Variants in CTNNA3 observed in about 807,000 individuals in gnomAD.
CTNNA3 encodes catenin alpha 3.
Under a neutral mutation model 95.7 loss-of-function variants are expected in CTNNA3, and 76 were observed. The observed-to-expected ratio is 0.79, with a 90% CI of 0.66 to 0.96. The LOEUF (loss-of-function observed/expected upper bound fraction) is 0.96. CTNNA3 is among the 40% of genes least tolerant of loss of function. The probability of loss-of-function intolerance (pLI) is 0.00; values close to 1 mark genes in which losing one functional copy is unlikely to be tolerated. For missense variants in CTNNA3, 1,191 were observed against 1,089.8 expected (o/e 1.09, Z -1.31); for synonymous variants, 431 against 374.4 (o/e 1.15, Z -1.74).
intron 7 of CTNNA3, among the ~76,000 whole-genome samples, chr10:66,776,898 A>G (rs910852917): frequency 6.6e-6 from 1 of 152,048 alleles, no homozygotes; most frequent in African/African-American, 2.4e-5. Flanking sequence ...TCTATTCCTG[A>G]TAGTAACTTA....
intron 7 of CTNNA3, among the ~76,000 whole-genome samples, chr10:66,831,406 C>T (rs78678063): frequency 0.018 from 2,754 of 152,208 alleles, 67 homozygotes; most frequent in African/African-American, 0.063. Flanking sequence ...CTTTACCATA[C>T]GCTTGCTCTC....
intron 9 of CTNNA3, among the ~76,000 whole-genome samples, chr10:66,723,466 CA>C (rs1200742413): frequency 1.3e-5 from 2 of 152,066 alleles, no homozygotes; most frequent in Non-Finnish European, 2.9e-5. Context: ...CTTATAGCCA[CA>C]AAACACAATT....
At chr10:67,232,034 A>G (rs1368489856) in intron 5 of CTNNA3, among the ~76,000 whole-genome samples, 1 of 152,162 alleles carries the variant, frequency 6.6e-6, no homozygotes, top group African/African-American at 2.4e-5. Context: ...TCTACGTCTG[A>G]TTGGTGTACC....
At chr10:66,177,258 C>A (rs1475747594) in intron 13 of CTNNA3, among the ~76,000 whole-genome samples, 1 of 151,812 alleles carries the variant, frequency 6.6e-6, no homozygotes, top group Non-Finnish European at 1.5e-5. Flanking sequence ...AAAAAGAAAT[C>A]AATATAAAAT....
rs1212731313 is a variant in CTNNA3 at position 67,424,042 on chromosome 10, T to A, written c.579+97800A>T. Among the ~76,000 whole-genome samples, 3 of 152,210 alleles carry A rather than the reference T, an allele frequency of 2.0e-5. No homozygotes were observed. The East Asian group carries it at 5.8e-4, about 29-fold the overall frequency. On this transcript the variant is annotated intron_variant, in intron 5 of 17. Coordinates refer to ENST00000433211, the MANE Select transcript of CTNNA3 (RefSeq NM_013266.4). ...AAAGAATCAATAAATACTCAAAAAA[T>A]TACCAGGACCTACAAAATGTGGGTC...
At chr10:66,594,886 T>G (rs1248792230) in intron 10 of CTNNA3, among the ~76,000 whole-genome samples, 1 of 152,130 alleles carries the variant, frequency 6.6e-6, no homozygotes, top group Non-Finnish European at 1.5e-5. Context: ...CATAATAATA[T>G]CTGCCATATA....
In CTNNA3 at chr10:67,742,903, A is replaced by T. The variant is rs1229018820; in HGVS notation, c.-2+20531T>A. Among the ~76,000 whole-genome samples, 2 of 151,426 alleles carry T rather than the reference A, an allele frequency of 1.3e-5. 1 individual carries two copies. The highest frequency in any genetic ancestry group is 3.0e-5 in the Non-Finnish European group (2 of 67,758). On this transcript the variant is annotated intron_variant, in intron 1 of 17. Transcript: ENST00000684154. ...ACACAAATAAACTAGAAAATCTAGA[A>T]GAAATGGATAAATTCCTCTACGCAT... is the stretch of plus-strand genomic sequence containing the variant.
intron 12 of CTNNA3, among the ~76,000 whole-genome samples, chr10:66,365,740 G>C (rs2092706642): frequency 6.8e-6 from 1 of 147,166 alleles, no homozygotes; most frequent in Admixed American, 7.0e-5. Context: ...ATACAAAGAT[G>C]CTGGCTTGCA....
At chr10:66,140,663 T>C (rs2133876869) in intron 13 of CTNNA3, among the ~76,000 whole-genome samples, 1 of 152,336 alleles carries the variant, frequency 6.6e-6, no homozygotes, top group Non-Finnish European at 1.5e-5. Flanking sequence ...GAACATTCTG[T>C]CCTATTCTGC....
At chr10:67,542,014 C>A (rs1840699087) in intron 3 of CTNNA3, among the ~76,000 whole-genome samples, 1 of 151,972 alleles carries the variant, frequency 6.6e-6, no homozygotes. Context: ...GCTGGAGAGC[C>A]ATATTCAGAA....
At chr10:67,157,452 C>T (rs536661594) in intron 7 of CTNNA3, among the ~76,000 whole-genome samples, 68 of 152,190 alleles carry the variant, frequency 4.5e-4, no homozygotes, top group African/African-American at 1.6e-3. Flanking sequence ...GCTACAACCC[C>T]TTGAAATTAA....
chr10:66,671,600 A>C (rs1846664117), intron 9 of CTNNA3, among the ~76,000 whole-genome samples: 1 of 152,196 alleles, frequency 6.6e-6, no homozygotes, highest in African/African-American at 2.4e-5. Flanking sequence ...AGTTATAATA[A>C]TTGTAATGAA....
chr10:66,975,663 T>G (rs914004637), intron 7 of CTNNA3, among the ~76,000 whole-genome samples: 1 of 152,164 alleles, frequency 6.6e-6, no homozygotes, highest in Non-Finnish European at 1.5e-5. Flanking sequence ...GTGGTGGCAT[T>G]GAGCTGGTTC....
intron 5 of CTNNA3, among the ~76,000 whole-genome samples, chr10:67,421,255 G>T (rs997638358): frequency 6.6e-6 from 1 of 152,226 alleles, no homozygotes; most frequent in East Asian, 1.9e-4. Flanking sequence ...GTTGCAGGAT[G>T]TGAGAAATGT....
intron 3 of CTNNA3, among the ~76,000 whole-genome samples, chr10:67,596,575 T>A (rs1842937386): frequency 6.6e-6 from 1 of 152,202 alleles, no homozygotes; most frequent in Admixed American, 6.5e-5. Context: ...CTTCAAGGAT[T>A]AAGCATGCTG....
At chr10:67,562,209 T>C (rs1296514267) in intron 3 of CTNNA3, among the ~76,000 whole-genome samples, 1 of 152,090 alleles carries the variant, frequency 6.6e-6, no homozygotes, top group Non-Finnish European at 1.5e-5. Context: ...TAGACCAATA[T>C]CCTTGATGAA....
intron 13 of CTNNA3, among the ~76,000 whole-genome samples, chr10:66,244,052 T>C (rs1296284833): frequency 1.3e-5 from 2 of 151,366 alleles, no homozygotes; most frequent in East Asian, 2.0e-4. Flanking sequence ...CCTTGTAGCA[T>C]TTACCACAAG....
chr10:66,360,763 C>CTTTCTTT lies in CTNNA3; in HGVS notation c.1732+18388_1732+18389insAAAGAAA, dbSNP rs1564896931. 7.4e-5 allele frequency among the ~76,000 whole-genome samples: 7 copies of CTTTCTTT among 94,146 alleles called. 1 individual carries two copies. The highest frequency in any genetic ancestry group is 2.7e-4 in the African/African-American group (7 of 26,188). 61.8% of individuals were successfully genotyped at this position (94,146 alleles called of 152,430 possible). On this transcript the variant is annotated intron_variant, in intron 12 of 17. Transcript: ENST00000433211. ...TTCTTTCTTCCTTCCTTCCTTCCTT[C>CTTTCTTT]CTTCCTTTTCTTTCTTTCTTTCTTC...
chr10:66,148,649 C>G (rs1307717813), intron 13 of CTNNA3, among the ~76,000 whole-genome samples: 2 of 151,968 alleles, frequency 1.3e-5, no homozygotes, highest in East Asian at 3.9e-4. Flanking sequence ...AGGGAGAGAG[C>G]CCTCATTTGA....
Sources: gnomAD v4.1 joint callset for allele counts (sites outside exome capture counted in the v4.1 genomes callset) on GRCh38, gnomAD v4.1.1 for gene constraint, MANE v1.5 for transcripts, NCBI Gene and HGNC (gene_info 2026-07-23, HGNC 2026-07-21) for gene names.